Variants in SERGEF observed in about 807,000 individuals in gnomAD.
SERGEF encodes secretion regulating guanine nucleotide exchange factor.
SERGEF carries 51 observed loss-of-function variants against 50.0 expected under a neutral mutation model. That is an observed-to-expected ratio of 1.02 (90% CI 0.81 to 1.29). The LOEUF is 1.29. SERGEF is among the 50% of genes most tolerant of loss of function. The pLI is 0.00. For missense variants in SERGEF, 521 were observed against 557.0 expected, an observed-to-expected ratio of 0.94 and a Z score of 0.65; for synonymous variants, 205 against 212.4, an observed-to-expected ratio of 0.97 and a Z score of 0.30.
intron 10 of SERGEF, among the ~76,000 whole-genome samples, chr11:17,821,131 G>C (rs1311502799): frequency 6.6e-6 from 1 of 152,166 alleles, no homozygotes; most frequent in Non-Finnish European, 1.5e-5. Flanking sequence ...CCAGAAGATG[G>C]AAGAGTCAAG....
At chr11:17,802,598 C>T (rs116945491) in intron 10 of SERGEF, among the ~76,000 whole-genome samples, 2,574 of 152,300 alleles carry the variant, frequency 0.017, 45 homozygotes, top group Admixed American at 0.049. Flanking sequence ...CTGCCACTCG[C>T]GTCCTCACCT....
chr11:17,898,120 T>C (rs1341839138), intron 9 of SERGEF, among the ~76,000 whole-genome samples: 1 of 152,208 alleles, frequency 6.6e-6, no homozygotes, highest in Non-Finnish European at 1.5e-5. Flanking sequence ...AAAATATATT[T>C]TAAATAAGTA....
intron 9 of SERGEF, among the ~76,000 whole-genome samples, chr11:17,881,215 A>T (rs1230385333): frequency 1.3e-5 from 2 of 152,214 alleles, no homozygotes; most frequent in Non-Finnish European, 2.9e-5. Context: ...TACAAAATGC[A>T]GAGAGAGAAA....
rs211144 is a variant in SERGEF at position 17,974,132 on chromosome 11, A to T, written c.844+14465T>A. Among the ~76,000 whole-genome samples the T allele has an allele frequency of 2.4e-4, 36 of 152,040 alleles. No individual in the cohort carries two copies. The South Asian group carries it at 7.1e-3, about 30-fold the overall frequency. On this transcript the variant is annotated intron_variant, in intron 8 of 10. Transcript: ENST00000265965. ...GAGGGGTTGCCAGGGCAGACCCAGG[A>T]TGGGACGGCCACCTTTCCCTTCCAC... is the stretch of plus-strand genomic sequence containing the variant.
chr11:17,859,092 C>T (rs77267689), intron 10 of SERGEF, among the ~76,000 whole-genome samples: 41 of 152,168 alleles, frequency 2.7e-4, no homozygotes, highest in Non-Finnish European at 4.9e-4. Context: ...GTGGATAATG[C>T]ATCTACAGGG....
intron 9 of SERGEF, among the ~76,000 whole-genome samples, chr11:17,958,408 C>A (rs1159033551): frequency 6.6e-6 from 1 of 152,054 alleles, no homozygotes; most frequent in Non-Finnish European, 1.5e-5. Flanking sequence ...AAAAATCTAG[C>A]CTTTTCTTTT....
At chr11:17,857,144 A>C (rs935028498) in intron 10 of SERGEF, among the ~76,000 whole-genome samples, 2 of 152,146 alleles carry the variant, frequency 1.3e-5, no homozygotes, top group Non-Finnish European at 2.9e-5. Flanking sequence ...GGACCTTTGG[A>C]GCTCACCTCT....
chr11:17,897,866 T>C (rs896153457), intron 9 of SERGEF, among the ~76,000 whole-genome samples: 6 of 152,206 alleles, frequency 3.9e-5, no homozygotes, highest in African/African-American at 1.4e-4. Context: ...CACACCACTA[T>C]ATATTCATTT....
At chr11:17,905,810 A>C (rs1337480864) in intron 9 of SERGEF, among the ~76,000 whole-genome samples, 1 of 152,134 alleles carries the variant, frequency 6.6e-6, no homozygotes, top group Non-Finnish European at 1.5e-5. Context: ...CCATCTCTAA[A>C]ATAAGGAGCT....
At chr11:17,808,456 C>T (rs2133832474) in intron 10 of SERGEF, among the ~76,000 whole-genome samples, 1 of 152,284 alleles carries the variant, frequency 6.6e-6, no homozygotes, top group East Asian at 1.9e-4. Context: ...AACCAAATCA[C>T]ACATGAACTC....
At chr11:17,835,720 GATTTA>G (rs1348891788) in intron 10 of SERGEF, among the ~76,000 whole-genome samples, 1 of 152,162 alleles carries the variant, frequency 6.6e-6, no homozygotes, top group Non-Finnish European at 1.5e-5. Context: ...AGGAAGACAA[GATTTA>G]ATTTATTTTT....
chr11:17,789,344 G>A (rs1390252806), intron 10 of SERGEF, among the ~76,000 whole-genome samples: 5 of 152,198 alleles, frequency 3.3e-5, no homozygotes, highest in African/African-American at 1.2e-4. Context: ...GGGAAGAAGC[G>A]TGTATACTTT....
At chr11:17,794,418 C>G (rs749913254) in intron 10 of SERGEF, among the ~76,000 whole-genome samples, 1 of 152,142 alleles carries the variant, frequency 6.6e-6, no homozygotes, top group Middle Eastern at 3.2e-3. Context: ...CACGGCAACC[C>G]TCGGAGGTAC....
chr11:17,981,832 ACT>A (rs1853501381), intron 8 of SERGEF, among the ~76,000 whole-genome samples: 1 of 151,772 alleles, frequency 6.6e-6, no homozygotes, highest in African/African-American at 2.4e-5. Context: ...ACAGGGCCTC[ACT>A]CTGTCACCCA....
At chr11:17,897,390 C>A (rs985301785) in intron 9 of SERGEF, among the ~76,000 whole-genome samples, 27 of 152,288 alleles carry the variant, frequency 1.8e-4, no homozygotes, top group Non-Finnish European at 2.8e-4. Flanking sequence ...CCAATCCCAC[C>A]CAGACTTCTG....
At chr11:17,845,044 C>G (rs1850581027) in intron 10 of SERGEF, among the ~76,000 whole-genome samples, 2 of 152,288 alleles carry the variant, frequency 1.3e-5, no homozygotes, top group Admixed American at 6.5e-5. Context: ...CAAGGCTGCT[C>G]TAAGACAATG....
At chr11:17,804,315 C>A (rs1195423960) in intron 10 of SERGEF, among the ~76,000 whole-genome samples, 1 of 152,186 alleles carries the variant, frequency 6.6e-6, no homozygotes, top group Non-Finnish European at 1.5e-5. Context: ...ACAGGCAGCA[C>A]TGAAGTTATT....
chr11:17,831,952 C>T (rs578098828), intron 10 of SERGEF, among the ~76,000 whole-genome samples: 1 of 152,318 alleles, frequency 6.6e-6, no homozygotes, highest in Non-Finnish European at 1.5e-5. Flanking sequence ...AACTACCTCC[C>T]CTAGAAAGCC....
chr11:17,829,065 A>C (rs1322460474), intron 10 of SERGEF, among the ~76,000 whole-genome samples: 10 of 152,224 alleles, frequency 6.6e-5, no homozygotes, highest in Non-Finnish European at 1.3e-4. Flanking sequence ...TGAATCAATC[A>C]CAGAGGAAGT....
Sources: gnomAD v4.1 joint callset for allele counts (sites outside exome capture counted in the v4.1 genomes callset) on GRCh38, gnomAD v4.1.1 for gene constraint, MANE v1.5 for transcripts, NCBI Gene and HGNC (gene_info 2026-07-23, HGNC 2026-07-21) for gene names.